The following ZNF880 variants were observed in gnomAD, a reference collection of about 807,000 sequenced individuals.
The protein encoded by ZNF880 is zinc finger protein 880.
In ZNF880, 12 loss-of-function variants were observed where a neutral mutation model predicts 11.8. The ratio of observed to expected loss-of-function variants is 1.02; its 90% CI spans 0.65 to 1.65. The LOEUF is 1.65. Among genes scored for constraint, ZNF880 ranks in the 40% most tolerant of loss-of-function variants. ZNF880 has a pLI of 0.00. For missense variants in ZNF880, 601 were observed against 673.9 expected (o/e 0.89, Z 1.20); for synonymous variants, 210 against 232.4 (o/e 0.90, Z 0.88).
intron 3 of ZNF880, among the ~76,000 whole-genome samples, chr19:52,376,496 G>GCC (rs772625389): frequency 2.0e-3 from 101 of 51,198 alleles, no homozygotes; most frequent in East Asian, 6.0e-3. Context: ...CCTTAGCACC[G>GCC]CCCCCCCCCC....
chr19:52,377,542 G>A (rs1056586748), intron 3 of ZNF880, among the ~76,000 whole-genome samples: 1 of 152,184 alleles, frequency 6.6e-6, no homozygotes, highest in Non-Finnish European at 1.5e-5. Flanking sequence ...CCCTACCTCA[G>A]CAACCAATCA....
chr19:52,380,423 T>G (rs1986675875), intron 3 of ZNF880, among the ~76,000 whole-genome samples: 1 of 152,144 alleles, frequency 6.6e-6, no homozygotes, highest in Admixed American at 6.5e-5. Flanking sequence ...GCTAGTTATT[T>G]GTATATCACC....
chr19:52,374,367 AGT>A lies in ZNF880; in HGVS notation c.210_211del (p.Ser70ArgfsTer24). 1.2e-6 allele frequency: 2 copies of A among 1,613,584 alleles called. No individual in the cohort carries two copies. Among genetic ancestry groups the A allele is most frequent in the South Asian group, 2.2e-5 (2 of 90,964 alleles). ...EQRRDPRNLQ[S>X]EVKIANNPGG... ...AAGGAGAGATCCCCGGAATCTGCAG[AGT>A]GAAGTGAAAATAGCAAACAATCCAG... On this transcript the variant is annotated frameshift_variant, in exon 3 of 4. Coordinates refer to ENST00000422689, the MANE Select transcript of ZNF880 (RefSeq NM_001145434.2). LOFTEE classifies it high-confidence loss of function.
the ZNF880 span, chr19:52,390,970 T>TGGTG: frequency 6.6e-6 from 1 of 152,402 alleles, no homozygotes; most frequent in African/African-American, 2.4e-5. Context: ...GCAAAGTAGA[T>TGGTG]GGTGGATGAG....
intron 3 of ZNF880, among the ~76,000 whole-genome samples, chr19:52,375,692 G>A (rs1026998657): frequency 7.4e-5 from 11 of 148,610 alleles, no homozygotes; most frequent in Non-Finnish European, 1.0e-4. Context: ...CCATTGTATC[G>A]CCTTTGCATC....
intron 3 of ZNF880, among the ~76,000 whole-genome samples, chr19:52,376,604 A>G (rs967023314): frequency 2.2e-5 from 3 of 136,426 alleles, no homozygotes; most frequent in African/African-American, 8.4e-5. Flanking sequence ...CCACCTCCCG[A>G]GTTCAAGCAA....
chr19:52,382,490 T>C (rs1424356815), intron 3 of ZNF880, among the ~76,000 whole-genome samples: 2 of 152,200 alleles, frequency 1.3e-5, no homozygotes, highest in East Asian at 3.8e-4. Flanking sequence ...CTCCCTCAGC[T>C]CTTCATTTTC....
At position 52,384,559 on chromosome 19, in the gene ZNF880, A is replaced by T. The variant is rs767330226; in HGVS notation, c.979A>T (p.Lys327Ter). Residue 327 changes from lysine (K) to a stop codon, truncating the protein, a stop_gained, in exon 4 of 4, where the codon AAG becomes TAG. Transcript: ENST00000422689. LOFTEE classifies it low-confidence loss of function (END_TRUNC). ...TAGTGGAGAGAAACCTTACAAATGTAAGGAATGTGGCAAAGCATTTTCAGG... is the reference window on the plus strand; with the variant it reads ...TAGTGGAGAGAAACCTTACAAATGTTAGGAATGTGGCAAAGCATTTTCAGG... ...IHSGEKPYKC[K>*]ECGKAFSGGS... 33 of 1,613,912 alleles carry T rather than the reference A, an allele frequency of 2.0e-5. No individual in the cohort carries two copies. In the South Asian group the frequency reaches 3.1e-4, roughly 15 times the overall value.
intron 1 of ZNF880, among the ~76,000 whole-genome samples, chr19:52,371,216 T>C (rs185890736): frequency 1.5e-3 from 235 of 152,344 alleles, no homozygotes; most frequent in Admixed American, 3.7e-3. Flanking sequence ...TCTATGGCTG[T>C]AAGGATAGTA....
chr19:52,374,129 G>A (rs138941692), intron 2 of ZNF880, among the ~76,000 whole-genome samples, 170 bp from the exon 3 acceptor site: 3,701 of 148,894 alleles, frequency 0.025, 137 homozygotes, highest in African/African-American at 0.086. Flanking sequence ...GCAGTGGCGC[G>A]ATCTTGGCTC....
chr19:52,368,310 G>A, upstream of ZNF880, among the ~76,000 whole-genome samples: 1 of 151,664 alleles, frequency 6.6e-6, no homozygotes. Context: ...TTCTTTTTAA[G>A]TCACACACAG....
the ZNF880 span, chr19:52,397,229 A>G: frequency 6.6e-6 from 1 of 151,718 alleles, no homozygotes; most frequent in Non-Finnish European, 1.5e-5. Context: ...TGTCCCTAGG[A>G]AAGTCTCTGG....
At chr19:52,367,655 GAGTT>G (rs1354020642), upstream of ZNF880, 25 of 152,120 alleles carry the variant, frequency 1.6e-4, no homozygotes, top group African/African-American at 6.0e-4. Flanking sequence ...CTTAGTACTT[GAGTT>G]AGTTTCTCTG....
At chr19:52,371,105 GCAT>G (rs1235836749) in intron 1 of ZNF880, among the ~76,000 whole-genome samples, 1 of 152,178 alleles carries the variant, frequency 6.6e-6, no homozygotes, top group African/African-American at 2.4e-5. Flanking sequence ...TATCAAAGGC[GCAT>G]CATCAGTTTA....
chr19:52,389,965 C>G (rs902279704), downstream of ZNF880: 4 of 152,224 alleles, frequency 2.6e-5, no homozygotes, highest in African/African-American at 9.6e-5. Flanking sequence ...TGCCTGTTAC[C>G]CAGTTCAAAA....
At chr19:52,377,733 AG>A in intron 3 of ZNF880, among the ~76,000 whole-genome samples, 1 of 152,348 alleles carries the variant, frequency 6.6e-6, no homozygotes, top group East Asian at 1.9e-4. Flanking sequence ...GAGCCGGATG[AG>A]GAGATTCACA....
intron 3 of ZNF880, among the ~76,000 whole-genome samples, chr19:52,380,687 C>T (rs570182007): frequency 6.6e-6 from 1 of 152,090 alleles, no homozygotes; most frequent in East Asian, 1.9e-4. Context: ...TTTCTTGTTC[C>T]GTTGTTTTAG....
chr19:52,391,169 C>T, the ZNF880 span: 5 of 152,760 alleles, frequency 3.3e-5, no homozygotes, highest in African/African-American at 1.2e-4. Flanking sequence ...CCAGGGCAGA[C>T]AGAGCAGCAT....
Position 52,369,997 on chromosome 19 carries a change from G to A in ZNF880, c.12+20G>A. 1 of 1,551,614 alleles carries A rather than the reference G, an allele frequency of 6.4e-7. No homozygotes were observed. The highest frequency in any genetic ancestry group is 1.2e-5 in the South Asian group (1 of 84,054). ...CGGCGTGTGAGTTTCCCTTTGTTTA[G>A]ATTAAATCTGGGATGCTGAGTCCCC... On this transcript the variant is annotated intron_variant, in intron 1 of 3. Coordinates refer to ENST00000422689, the MANE Select transcript of ZNF880 (RefSeq NM_001145434.2).
Sources: gnomAD v4.1 joint callset for allele counts (sites outside exome capture counted in the v4.1 genomes callset) on GRCh38, gnomAD v4.1.1 for gene constraint, MANE v1.5 for transcripts, NCBI Gene and HGNC (gene_info 2026-07-23, HGNC 2026-07-21) for gene names.